Variants in PSME3IP1 observed in about 807,000 individuals in gnomAD.
PSME3IP1 encodes the protein PSME3-interacting protein.
PSME3IP1 carries 13 observed loss-of-function variants against 34.1 expected under a neutral mutation model. The observed-to-expected ratio is 0.38, with a 90% CI of 0.25 to 0.61. The LOEUF is 0.61. Ranked by LOEUF, PSME3IP1 falls within the 20% of genes least tolerant of loss-of-function variation. The pLI, the probability that PSME3IP1 is intolerant of heterozygous loss-of-function variation, is 0.60. For synonymous variants in PSME3IP1, 93 were observed against 114.3 expected (o/e 0.81, Z 1.19); for missense variants, 237 against 301.4 (o/e 0.79, Z 1.58).
At chr16:57,178,530 A>G in intron 1 of PSME3IP1, 1 of 985,118 alleles carries the variant, frequency 1.0e-6, no homozygotes, top group Non-Finnish European at 1.2e-6. Context: ...GGAGCTGAAG[A>G]ATCTGAGCAG....
intron 4 of PSME3IP1, among the ~76,000 whole-genome samples, chr16:57,167,563 A>G (rs1384155800): frequency 2.0e-5 from 3 of 151,714 alleles, no homozygotes; most frequent in Admixed American, 6.6e-5. Flanking sequence ...AAGAAAACAG[A>G]AAAAAAAATG....
intron 1 of PSME3IP1, among the ~76,000 whole-genome samples, chr16:57,177,645 G>T (rs1011269039): frequency 1.3e-5 from 2 of 152,156 alleles, no homozygotes; most frequent in African/African-American, 4.8e-5. Context: ...CTCTCAGTGG[G>T]TTGGTGTCCT....
At chr16:57,158,248 T>A (rs1321725502) in intron 6 of PSME3IP1, among the ~76,000 whole-genome samples, 1 of 152,198 alleles carries the variant, frequency 6.6e-6, no homozygotes, top group East Asian at 1.9e-4. Context: ...GTATACCAGA[T>A]AGAATGATAT....
chr16:57,161,973 C>T (rs1430111650), intron 6 of PSME3IP1, among the ~76,000 whole-genome samples: 22 of 152,110 alleles, frequency 1.4e-4, no homozygotes, highest in Admixed American at 1.2e-3. Flanking sequence ...GGTGCAATCT[C>T]GGCTCACCGC....
At chr16:57,170,143 C>T (rs1470935815) in intron 4 of PSME3IP1, among the ~76,000 whole-genome samples, 1 of 148,208 alleles carries the variant, frequency 6.7e-6, no homozygotes, top group African/African-American at 2.5e-5. Flanking sequence ...AGTACAGTGG[C>T]GTGACCTTGG....
chr16:57,177,462 G>A (rs1201928850), intron 1 of PSME3IP1, among the ~76,000 whole-genome samples: 1 of 151,524 alleles, frequency 6.6e-6, no homozygotes, highest in Non-Finnish European at 1.5e-5. Context: ...AAAGTGCTGG[G>A]GTTATAGGCA....
At chr16:57,171,773 C>T (rs1163671757) in intron 4 of PSME3IP1, among the ~76,000 whole-genome samples, 1 of 152,148 alleles carries the variant, frequency 6.6e-6, no homozygotes, top group Non-Finnish European at 1.5e-5. Flanking sequence ...TTTGGGATGT[C>T]TATGAAGACA....
At chr16:57,176,570 A>G (rs1567435455) in intron 1 of PSME3IP1, among the ~76,000 whole-genome samples, 1 of 152,204 alleles carries the variant, frequency 6.6e-6, no homozygotes, top group Non-Finnish European at 1.5e-5. Context: ...TATAAATTCA[A>G]TACATAGGTT....
At position 57,167,204 on chromosome 16, in the gene PSME3IP1, A is replaced by G; in HGVS notation, c.371T>C (p.Ile124Thr). 1.9e-6 allele frequency: 3 copies of G among 1,614,252 alleles called. No individual in the cohort carries two copies. Among genetic ancestry groups the G allele is most frequent in the African/African-American group, 2.7e-5 (2 of 75,070 alleles). ...CACTTCCTTCTTGTTCTCTTGAGAA[A>G]TTCCAACCTTCTTGAGGTTATTGTG... ...EYRNNLKKVG[I>T]SQENKKEVEK... The change falls in exon 5 of 7, where the codon ATT (isoleucine) becomes ACT (threonine). Residue 124 changes from isoleucine (I) to threonine (T), a missense_variant. Ile to Thr is a moderately conservative substitution (Grantham distance 89). Coordinates refer to ENST00000309137, the MANE Select transcript of PSME3IP1 (RefSeq NM_024946.4).
intron 6 of PSME3IP1, among the ~76,000 whole-genome samples, chr16:57,155,282 A>G (rs1381592793): frequency 6.6e-6 from 1 of 152,112 alleles, no homozygotes; most frequent in Non-Finnish European, 1.5e-5. Context: ...CTTACAGGAA[A>G]CCCACAGTTA....
At chr16:57,161,427 G>A (rs1283438765) in intron 6 of PSME3IP1, among the ~76,000 whole-genome samples, 1 of 151,744 alleles carries the variant, frequency 6.6e-6, no homozygotes, top group Non-Finnish European at 1.5e-5. Flanking sequence ...TGAATTTTAT[G>A]GTATGTGAAT....
chr16:57,162,064 G>A (rs2071318187), intron 6 of PSME3IP1, among the ~76,000 whole-genome samples: 3 of 151,896 alleles, frequency 2.0e-5, no homozygotes, highest in Admixed American at 1.3e-4. Context: ...CCAGCAGCCC[G>A]ACTAATTTTG....
intron 1 of PSME3IP1, among the ~76,000 whole-genome samples, chr16:57,183,821 T>C (rs538725674): frequency 2.0e-5 from 3 of 152,144 alleles, no homozygotes; most frequent in East Asian, 3.8e-4. Context: ...CAGGAGCCCA[T>C]CCAGGGAGTG....
At chr16:57,164,803 G>A (rs1597637713) in intron 5 of PSME3IP1, among the ~76,000 whole-genome samples, 1 of 152,044 alleles carries the variant, frequency 6.6e-6, no homozygotes, top group South Asian at 2.1e-4. Context: ...AGGCCAAGAC[G>A]GACGGATCAC....
intron 1 of PSME3IP1, among the ~76,000 whole-genome samples, chr16:57,179,164 C>T (rs931062688): frequency 6.7e-6 from 1 of 148,378 alleles, no homozygotes. Context: ...GTCAGCTTTC[C>T]TTTACTCACG....
intron 1 of PSME3IP1, among the ~76,000 whole-genome samples, chr16:57,182,038 G>A (rs2073764155): frequency 6.6e-6 from 1 of 152,148 alleles, no homozygotes; most frequent in Non-Finnish European, 1.5e-5. Flanking sequence ...GTTGGACATT[G>A]GTTGAAGGTC....
chr16:57,163,168 A>G (rs1420036229), intron 6 of PSME3IP1, among the ~76,000 whole-genome samples: 1 of 152,148 alleles, frequency 6.6e-6, no homozygotes, highest in Non-Finnish European at 1.5e-5. Context: ...CCATCTCAAA[A>G]AAAAGAAAAA....
At chr16:57,167,837 A>G (rs2895452) in intron 4 of PSME3IP1, among the ~76,000 whole-genome samples, 2 of 152,232 alleles carry the variant, frequency 1.3e-5, no homozygotes, top group Non-Finnish European at 2.9e-5. Context: ...GATCTTAGCC[A>G]AAAGGCCAAG....
intron 2 of PSME3IP1, 125 bp from the exon 3 acceptor site, chr16:57,172,999 G>A (rs1341575781): frequency 1.5e-6 from 1 of 664,732 alleles, no homozygotes; most frequent in Admixed American, 2.5e-5. Flanking sequence ...ATGATCTGAG[G>A]GTGTGGATAA....
Sources: allele counts gnomAD v4.1 joint callset (sites outside exome capture counted in the v4.1 genomes callset), GRCh38; gene constraint gnomAD v4.1.1; transcripts MANE v1.5; gene names NCBI Gene and HGNC (gene_info 2026-07-23, HGNC 2026-07-21).